EXOC6B: variants seen among roughly 807,000 people sequenced by gnomAD.
EXOC6B encodes the protein exocyst complex component 6B, also known as SEC15 homolog B.
EXOC6B carries 54 observed loss-of-function variants against 113.5 expected under a neutral mutation model. The observed-to-expected ratio is 0.48, with a 90% CI of 0.38 to 0.60. The LOEUF (loss-of-function observed/expected upper bound fraction) is 0.60, where lower values mean the gene tolerates loss of function less well. Among genes scored for constraint, EXOC6B ranks in the 20% least tolerant of loss-of-function variants. EXOC6B has a pLI of 0.00. For missense variants in EXOC6B, 797 were observed against 977.5 expected, an observed-to-expected ratio of 0.82 and a Z score of 2.46; for synonymous variants, 357 against 339.0, an observed-to-expected ratio of 1.05 and a Z score of -0.58.
chr2:72,274,475 C>G (rs962711526), intron 20 of EXOC6B, among the ~76,000 whole-genome samples: 1 of 152,018 alleles, frequency 6.6e-6, no homozygotes, highest in African/African-American at 2.4e-5. Flanking sequence ...AGATAAGGAG[C>G]CTGGGTTACC....
At chr2:72,521,961 G>T (rs1573316910) in intron 8 of EXOC6B, among the ~76,000 whole-genome samples, 1 of 152,200 alleles carries the variant, frequency 6.6e-6, no homozygotes, top group Non-Finnish European at 1.5e-5. Context: ...CTCCCAAAGT[G>T]CTGGGATTAC....
At chr2:72,291,298 T>C (rs958487989) in intron 20 of EXOC6B, among the ~76,000 whole-genome samples, 2 of 152,210 alleles carry the variant, frequency 1.3e-5, no homozygotes, top group Non-Finnish European at 2.9e-5. Context: ...GCTCCACAAC[T>C]GATTTTTCAC....
At chr2:72,820,731 T>C (rs929721661) in intron 1 of EXOC6B, among the ~76,000 whole-genome samples, 3 of 152,034 alleles carry the variant, frequency 2.0e-5, no homozygotes, top group Non-Finnish European at 4.4e-5. Flanking sequence ...CTGGGTTTTT[T>C]AAAAAATAAA....
intron 6 of EXOC6B, among the ~76,000 whole-genome samples, chr2:72,710,191 T>A (rs1468361183): frequency 6.6e-6 from 1 of 152,126 alleles, no homozygotes; most frequent in Admixed American, 6.6e-5. Flanking sequence ...AACTAGATTT[T>A]AAAAATATTG....
At chr2:72,710,793 A>G (rs367616275) in intron 6 of EXOC6B, among the ~76,000 whole-genome samples, 1 of 152,350 alleles carries the variant, frequency 6.6e-6, no homozygotes, top group African/African-American at 2.4e-5. Flanking sequence ...TGAAAGGACC[A>G]TGATGACAAC....
rs1558949134 is a variant in EXOC6B, at chr2:72,721,960, C to G, written c.465-3653G>C. ...GGGAACTTATTTAGTCCACTTCATG[C>G]ATCAACCTGGCATTGCAGTACCTCC... On this transcript the variant is annotated intron_variant, in intron 5 of 21. Transcript: ENST00000272427. 2.0e-5 allele frequency: 3 copies of G among 147,680 alleles called. No individual in the cohort carries two copies. In the South Asian group the frequency reaches 6.4e-4, roughly 31 times the overall value. The allele number at this position is 147,680 out of a possible 1,614,324, so 9.1% of individuals were successfully genotyped here. A position where few individuals can be genotyped will look rare whatever the true frequency, so the allele number is the denominator to read the frequency against.
intron 20 of EXOC6B, among the ~76,000 whole-genome samples, chr2:72,225,670 C>G (rs1398847872): frequency 3.9e-5 from 6 of 152,068 alleles, no homozygotes; most frequent in Non-Finnish European, 7.4e-5. Flanking sequence ...AAATCTACCC[C>G]TTGGTATAGG....
intron 19 of EXOC6B, among the ~76,000 whole-genome samples, chr2:72,355,231 T>C (rs1179680383): frequency 1.3e-5 from 2 of 152,210 alleles, no homozygotes; most frequent in Non-Finnish European, 2.9e-5. Flanking sequence ...TACTCATATA[T>C]ATAATTGCCA....
intron 6 of EXOC6B, among the ~76,000 whole-genome samples, chr2:72,576,097 G>A (rs758694864): frequency 6.6e-6 from 1 of 152,046 alleles, no homozygotes; most frequent in Admixed American, 6.6e-5. Context: ...ATAATGCTTG[G>A]AGGAAAAAGG....
intron 8 of EXOC6B, among the ~76,000 whole-genome samples, chr2:72,540,424 T>C (rs1406944406): frequency 6.6e-6 from 1 of 152,198 alleles, no homozygotes; most frequent in Non-Finnish European, 1.5e-5. Context: ...TGCTGTATCA[T>C]TTGCTCCATA....
intron 18 of EXOC6B, among the ~76,000 whole-genome samples, chr2:72,413,134 T>G (rs1266671107): frequency 6.6e-6 from 1 of 151,916 alleles, no homozygotes; most frequent in Non-Finnish European, 1.5e-5. Context: ...AAGTTTTTTT[T>G]GTATTTTTAG....
intron 19 of EXOC6B, among the ~76,000 whole-genome samples, chr2:72,372,299 A>G (rs1691076235): frequency 1.3e-5 from 2 of 152,222 alleles, no homozygotes; most frequent in Non-Finnish European, 2.9e-5. Context: ...TGACATTTTT[A>G]CAGAAATAGA....
intron 5 of EXOC6B, among the ~76,000 whole-genome samples, chr2:72,722,279 T>C (rs1294701635): frequency 1.3e-5 from 2 of 152,158 alleles, no homozygotes; most frequent in Non-Finnish European, 2.9e-5. Flanking sequence ...CTAATTTCCA[T>C]GTTTCCCATG....
At chr2:72,707,223 T>G (rs1022628785) in intron 6 of EXOC6B, among the ~76,000 whole-genome samples, 2 of 152,180 alleles carry the variant, frequency 1.3e-5, no homozygotes, top group Admixed American at 6.5e-5. Context: ...AATGCAGAAA[T>G]AGTAACTGGA....
intron 6 of EXOC6B, among the ~76,000 whole-genome samples, chr2:72,717,040 C>T (rs1479233833): frequency 6.6e-6 from 1 of 152,084 alleles, no homozygotes; most frequent in Non-Finnish European, 1.5e-5. Flanking sequence ...TTTATTTCTC[C>T]ATCACTATAA....
chr2:72,656,998 T>G (rs1291828579), intron 6 of EXOC6B, among the ~76,000 whole-genome samples: 2 of 151,934 alleles, frequency 1.3e-5, no homozygotes, highest in Non-Finnish European at 2.9e-5. Context: ...ATTACAGGCA[T>G]GCACCACCAT....
intron 18 of EXOC6B, among the ~76,000 whole-genome samples, chr2:72,405,929 C>T (rs1693723263): frequency 6.6e-6 from 1 of 152,084 alleles, no homozygotes; most frequent in Non-Finnish European, 1.5e-5. Context: ...AGAGTCAAGA[C>T]CCATCAGTGT....
chr2:72,383,327 T>C (rs636332), intron 18 of EXOC6B, among the ~76,000 whole-genome samples: 22,786 of 151,966 alleles, frequency 0.15, 2,288 homozygotes, highest in African/African-American at 0.29. Context: ...CCTTAAAAAG[T>C]AGGCAAAGGA....
At chr2:72,427,983 T>C (rs1346250724) in intron 18 of EXOC6B, among the ~76,000 whole-genome samples, 1 of 152,196 alleles carries the variant, frequency 6.6e-6, no homozygotes, top group Non-Finnish European at 1.5e-5. Flanking sequence ...CTGAAACATG[T>C]TGGGATGTCC....
Sources: allele counts gnomAD v4.1 joint callset (sites outside exome capture counted in the v4.1 genomes callset), GRCh38; gene constraint gnomAD v4.1.1; transcripts MANE v1.5; gene names NCBI Gene and HGNC (gene_info 2026-07-23, HGNC 2026-07-21).